PAPPA2: variants seen among roughly 807,000 people sequenced by gnomAD.
The protein encoded by PAPPA2 is pappalysin 2.
PAPPA2 carries 86 observed loss-of-function variants against 176.4 expected under a neutral mutation model. The observed-to-expected ratio is 0.49, with a 90% CI of 0.41 to 0.58. PAPPA2 has a LOEUF of 0.58. Among genes scored for constraint, PAPPA2 ranks in the 20% least tolerant of loss-of-function variants. The probability of loss-of-function intolerance (pLI) is 0.00; values close to 1 mark genes in which losing one functional copy is unlikely to be tolerated. For synonymous variants in PAPPA2, 809 were observed against 852.2 expected (o/e 0.95, Z 0.88); for missense variants, 2,073 against 2,256.9 (o/e 0.92, Z 1.65).
intron 4 of PAPPA2, among the ~76,000 whole-genome samples, chr1:176,675,813 A>G (rs1659257730): frequency 6.6e-6 from 1 of 152,098 alleles, no homozygotes; most frequent in Non-Finnish European, 1.5e-5. Context: ...AATAGGAAAT[A>G]TTTACAAAAC....
chr1:176,557,695 G>A (rs960613399), intron 2 of PAPPA2, among the ~76,000 whole-genome samples: 3 of 152,158 alleles, frequency 2.0e-5, no homozygotes, highest in Admixed American at 2.0e-4. Flanking sequence ...AGGAAACAAG[G>A]CTGCTAGGTA....
At chr1:176,680,650 G>C (rs1325535097) in intron 4 of PAPPA2, among the ~76,000 whole-genome samples, 1 of 152,044 alleles carries the variant, frequency 6.6e-6, no homozygotes, top group Non-Finnish European at 1.5e-5. Context: ...GTTAAAAATC[G>C]CTTCTCAGTT....
chr1:176,582,914 C>G (rs1284626519), intron 2 of PAPPA2, among the ~76,000 whole-genome samples: 8 of 152,174 alleles, frequency 5.3e-5, no homozygotes, highest in African/African-American at 1.7e-4. Flanking sequence ...TTTAAATCAC[C>G]AATTCAGTCT....
chr1:176,557,041 A>T lies in PAPPA2; in HGVS notation c.719A>T (p.Asn240Ile). The change falls in exon 2 of 23, where the codon AAC becomes ATC. Residue 240 changes from asparagine to isoleucine, a missense_variant. Coordinates refer to ENST00000367662, the MANE Select transcript of PAPPA2 (RefSeq NM_020318.3). ...RVKKSPPEES[N>I]QNGGEGSYRE... ...AAAAAGAGTCCACCGGAGGAAAGCA[A>T]CCAAAATGGTGGAGAGGGCTCCTAC... 1 of 1,614,088 alleles carries T rather than the reference A, an allele frequency of 6.2e-7. No individual in the cohort carries two copies. The highest frequency in any genetic ancestry group is 1.1e-5 in the South Asian group (1 of 91,062).
chr1:176,705,494 A>T (rs1660841877), intron 9 of PAPPA2, among the ~76,000 whole-genome samples: 1 of 152,292 alleles, frequency 6.6e-6, no homozygotes, highest in East Asian at 1.9e-4. Context: ...ACTGAGTTAA[A>T]ATATATGTCC....
intron 12 of PAPPA2, 23 bp downstream of exon 12, chr1:176,712,004 T>G (rs750717173): frequency 6.9e-6 from 11 of 1,602,204 alleles, no homozygotes; most frequent in South Asian, 1.1e-5. Flanking sequence ...AATGTTTCTT[T>G]TGTGCATGTG....
At chr1:176,544,387 A>G (rs960937627) in intron 1 of PAPPA2, among the ~76,000 whole-genome samples, 1 of 152,206 alleles carries the variant, frequency 6.6e-6, no homozygotes, top group Admixed American at 6.5e-5. Flanking sequence ...TTATATTAAC[A>G]CTTGATTTGG....
At chr1:176,771,274 TA>T in intron 17 of PAPPA2, 94 bp downstream of exon 17, 1 of 1,304,680 alleles carries the variant, frequency 7.7e-7, no homozygotes, top group Non-Finnish European at 1.1e-6. Context: ...TGCAGGGCTA[TA>T]TTCTCCAGTC....
intron 4 of PAPPA2, among the ~76,000 whole-genome samples, chr1:176,681,189 C>T (rs145056638): frequency 6.6e-5 from 10 of 152,248 alleles, no homozygotes; most frequent in East Asian, 1.9e-4. Flanking sequence ...AATCAGCACA[C>T]GGGCATTTTG....
intron 4 of PAPPA2, among the ~76,000 whole-genome samples, chr1:176,677,975 C>T (rs562254010): frequency 1.3e-5 from 2 of 152,270 alleles, no homozygotes; most frequent in East Asian, 3.9e-4. Flanking sequence ...TAGGCAGTAA[C>T]ATGGAAAGGA....
At chr1:176,465,713 G>GTT (rs932174357) in intron 1 of PAPPA2, among the ~76,000 whole-genome samples, 4 of 147,376 alleles carry the variant, frequency 2.7e-5, no homozygotes, top group African/African-American at 1.0e-4. Flanking sequence ...TGTGTCATGG[G>GTT]TTTTTTTTTG....
chr1:176,656,641 T>C (rs1658048472), intron 3 of PAPPA2, among the ~76,000 whole-genome samples: 2 of 151,896 alleles, frequency 1.3e-5, no homozygotes, highest in South Asian at 4.1e-4. Flanking sequence ...AGTCATCCAG[T>C]ATTTTAGTCA....
At chr1:176,820,150 A>C (rs893164156) in intron 21 of PAPPA2, among the ~76,000 whole-genome samples, 6 of 152,178 alleles carry the variant, frequency 3.9e-5, no homozygotes, top group Non-Finnish European at 7.4e-5. Flanking sequence ...CAAAACAAAA[A>C]AAAACAACAC....
intron 12 of PAPPA2, among the ~76,000 whole-genome samples, chr1:176,724,864 T>G (rs1402598931): frequency 6.6e-6 from 1 of 152,248 alleles, no homozygotes; most frequent in African/African-American, 2.4e-5. Context: ...TTACTAGAGA[T>G]ATGATTTTTC....
chr1:176,502,604 G>T (rs1052632238), intron 1 of PAPPA2, among the ~76,000 whole-genome samples: 1 of 152,116 alleles, frequency 6.6e-6, no homozygotes, highest in Non-Finnish European at 1.5e-5. Context: ...ACAATCACTA[G>T]GTATGTTTCA....
At chr1:176,733,436 A>G (rs1662252189) in intron 12 of PAPPA2, among the ~76,000 whole-genome samples, 1 of 152,126 alleles carries the variant, frequency 6.6e-6, no homozygotes, top group Non-Finnish European at 1.5e-5. Flanking sequence ...GAGGAGCTCC[A>G]ATTCTCAGTG....
rs371214854 is a variant in PAPPA2, at chr1:176,743,834, G to GA, written c.4151+3644dup. Among the ~76,000 whole-genome samples the GA allele has an allele frequency of 2.4e-3, 360 of 152,208 alleles. 1 individual carries two copies. Among genetic ancestry groups the GA allele is most frequent in the African/African-American group, 8.1e-3 (338 of 41,546 alleles). On this transcript the variant is annotated intron_variant, in intron 14 of 22. Transcript: ENST00000367662. Reference sequence around the variant, plus strand: ...GTTCTTCCAATCACATGGATAAAATGAAAAAATTGATTGTAACTTCTGTGA... The same window carrying GA: ...GTTCTTCCAATCACATGGATAAAATGAAAAAAATTGATTGTAACTTCTGTGA...
intron 16 of PAPPA2, 97 bp from the exon 17 acceptor site, chr1:176,770,870 G>A: frequency 8.9e-7 from 1 of 1,120,664 alleles, no homozygotes. Context: ...ACTTTTGAAA[G>A]GCACCAGTAA....
At chr1:176,741,706 G>T (rs984418025) in intron 14 of PAPPA2, among the ~76,000 whole-genome samples, 2 of 152,124 alleles carry the variant, frequency 1.3e-5, no homozygotes, top group African/African-American at 4.8e-5. Context: ...TGTTAGAAAG[G>T]GAGAAACAGT....
Sources: gnomAD v4.1 joint callset for allele counts (sites outside exome capture counted in the v4.1 genomes callset) on GRCh38, gnomAD v4.1.1 for gene constraint, MANE v1.5 for transcripts, NCBI Gene and HGNC (gene_info 2026-07-23, HGNC 2026-07-21) for gene names.